EYS: variants seen among roughly 807,000 people sequenced by gnomAD.
EYS encodes protein eyes shut homolog.
Under a neutral mutation model 282.1 loss-of-function variants are expected in EYS, and 250 were observed. That is an observed-to-expected ratio of 0.89 (90% CI 0.80 to 0.98). The LOEUF (loss-of-function observed/expected upper bound fraction) is 0.98. Ranked by LOEUF, EYS falls within the 50% of genes least tolerant of loss-of-function variation. The pLI is 0.00. For synonymous variants in EYS, 1,355 were observed against 1,282.9 expected, an observed-to-expected ratio of 1.06 and a Z score of -1.20; for missense variants, 4,016 against 3,709.0, an observed-to-expected ratio of 1.08 and a Z score of -2.15.
At chr6:64,761,096 A>G (rs1371844186) in intron 22 of EYS, among the ~76,000 whole-genome samples, 2 of 152,218 alleles carry the variant, frequency 1.3e-5, no homozygotes, top group African/African-American at 4.8e-5. Flanking sequence ...ACTTGAATTC[A>G]GTTAGAACTA....
At chr6:65,317,848 T>C (rs1280032564) in intron 11 of EYS, among the ~76,000 whole-genome samples, 2 of 47,890 alleles carry the variant, frequency 4.2e-5, no homozygotes, top group Admixed American at 3.4e-4. Flanking sequence ...CTTTCTTTCT[T>C]TCTTTCTTTC....
At chr6:65,301,045 T>C (rs1768806910) in intron 11 of EYS, 1 of 152,216 alleles carries the variant, frequency 6.6e-6, no homozygotes, top group South Asian at 2.1e-4. Context: ...CCCTCAGGAA[T>C]GACTGATGAG....
chr6:63,961,613 T>C (rs1766065791), intron 35 of EYS, among the ~76,000 whole-genome samples: 1 of 152,148 alleles, frequency 6.6e-6, no homozygotes. Context: ...TTTATTGCTC[T>C]ATATTTATAA....
At chr6:64,850,890 T>C (rs530949977) in intron 19 of EYS, among the ~76,000 whole-genome samples, 2 of 152,180 alleles carry the variant, frequency 1.3e-5, no homozygotes, top group South Asian at 2.1e-4. Flanking sequence ...CATAATTTTA[T>C]TGTAAATTTA....
intron 33 of EYS, among the ~76,000 whole-genome samples, chr6:64,017,029 TC>T (rs1381280127): frequency 6.6e-6 from 1 of 151,844 alleles, no homozygotes; most frequent in Non-Finnish European, 1.5e-5. Context: ...TGGTCTTTTT[TC>T]CTCTAATTCC....
chr6:64,485,869 ATTAAT>A (rs1382722728), intron 26 of EYS, among the ~76,000 whole-genome samples: 1 of 151,496 alleles, frequency 6.6e-6, no homozygotes, highest in East Asian at 1.9e-4. Flanking sequence ...TTTACTATTC[ATTAAT>A]TTATTAGTCA....
intron 2 of EYS, among the ~76,000 whole-genome samples, chr6:65,528,503 C>T (rs1213392109): frequency 6.6e-6 from 1 of 152,144 alleles, no homozygotes; most frequent in Admixed American, 6.5e-5. Flanking sequence ...GAGGGCTCTA[C>T]CCTCCTGAGA....
At chr6:64,599,947 T>C (rs1766710225) in intron 24 of EYS, among the ~76,000 whole-genome samples, 2 of 152,160 alleles carry the variant, frequency 1.3e-5, no homozygotes, top group South Asian at 2.1e-4. Flanking sequence ...TCACAAACCA[T>C]GTTTTAAGAT....
chr6:65,625,350 T>C (rs1766655313), intron 2 of EYS, among the ~76,000 whole-genome samples: 1 of 152,196 alleles, frequency 6.6e-6, no homozygotes, highest in South Asian at 2.1e-4. Flanking sequence ...TGTGAGATAA[T>C]CTATTTGTGT....
At chr6:64,268,452 T>A (rs1235329593) in intron 30 of EYS, among the ~76,000 whole-genome samples, 1 of 152,080 alleles carries the variant, frequency 6.6e-6, no homozygotes, top group Non-Finnish European at 1.5e-5. Flanking sequence ...TTTACATATA[T>A]GATTTACATA....
At chr6:64,908,777 G>T (rs1380718102) in intron 16 of EYS, among the ~76,000 whole-genome samples, 1 of 152,056 alleles carries the variant, frequency 6.6e-6, no homozygotes, top group Non-Finnish European at 1.5e-5. Context: ...TGATTGGTTT[G>T]TGAGTGTGCA....
At chr6:65,604,837 G>GCCC (rs377109416) in intron 2 of EYS, among the ~76,000 whole-genome samples, 1 of 111,110 alleles carries the variant, frequency 9.0e-6, no homozygotes, top group African/African-American at 3.8e-5. Flanking sequence ...TAAATTCACT[G>GCCC]CCCCCTTTTT....
chr6:65,191,206 CTTTCTCTGAA>C (rs1765633676), intron 12 of EYS, among the ~76,000 whole-genome samples: 1 of 151,792 alleles, frequency 6.6e-6, no homozygotes, highest in Non-Finnish European at 1.5e-5. Context: ...GTCAGCCTTA[CTTTCTCTGAA>C]TTAGAATGAT....
chr6:65,145,594 G>T (rs1266939177), intron 12 of EYS, among the ~76,000 whole-genome samples: 2 of 151,662 alleles, frequency 1.3e-5, no homozygotes, highest in South Asian at 4.2e-4. Context: ...CTTAAAGAGA[G>T]ATTTCATAAT....
intron 26 of EYS, among the ~76,000 whole-genome samples, chr6:64,486,921 T>C (rs2349068): frequency 0.3 from 45,328 of 151,146 alleles, 6,850 homozygotes; most frequent in East Asian, 0.47. Context: ...ATTTATTATT[T>C]TTTACAGTTA....
chr6:64,138,302 T>C (rs1036848127), intron 31 of EYS, among the ~76,000 whole-genome samples: 1 of 152,134 alleles, frequency 6.6e-6, no homozygotes, highest in Non-Finnish European at 1.5e-5. Context: ...GTATACCTAT[T>C]TTATGAAGAC....
At chr6:65,666,956 G>GC (rs1768222112) in intron 1 of EYS, among the ~76,000 whole-genome samples, 1 of 146,964 alleles carries the variant, frequency 6.8e-6, no homozygotes, top group African/African-American at 2.5e-5. Flanking sequence ...GCCACCCAAT[G>GC]TAAAAAAAAA....
At chr6:64,316,703 A>G (rs1347530395) in intron 29 of EYS, among the ~76,000 whole-genome samples, 1 of 152,038 alleles carries the variant, frequency 6.6e-6, no homozygotes, top group Non-Finnish European at 1.5e-5. Flanking sequence ...ACAGAATTGG[A>G]AAAAAACTAC....
chr6:64,755,299 A>G (rs1010721170), intron 22 of EYS, among the ~76,000 whole-genome samples: 1 of 152,120 alleles, frequency 6.6e-6, no homozygotes, highest in Non-Finnish European at 1.5e-5. Flanking sequence ...TATAGGTGAC[A>G]CAAGCAAATT....
Sources: allele counts gnomAD v4.1 joint callset (sites outside exome capture counted in the v4.1 genomes callset), GRCh38; gene constraint gnomAD v4.1.1; transcripts MANE v1.5; gene names NCBI Gene and HGNC (gene_info 2026-07-23, HGNC 2026-07-21).